The following AUTS2 variants were observed in gnomAD, a reference collection of about 807,000 sequenced individuals.
The protein encoded by AUTS2 is activator of transcription and developmental regulator AUTS2.
In AUTS2, 17 loss-of-function variants were observed where a neutral mutation model predicts 112.4. The ratio of observed to expected loss-of-function variants is 0.15; its 90% CI spans 0.10 to 0.23. The LOEUF (loss-of-function observed/expected upper bound fraction) is 0.23. AUTS2 is among the 10% of genes least tolerant of loss of function. AUTS2 has a pLI of 1.00. For synonymous variants in AUTS2, 751 were observed against 702.7 expected (o/e 1.07, Z -1.09); for missense variants, 1,510 against 1,701.6 (o/e 0.89, Z 1.98).
chr7:70,553,767 T>C (rs997574299), intron 5 of AUTS2, among the ~76,000 whole-genome samples: 56 of 138,624 alleles, frequency 4.0e-4, no homozygotes, highest in South Asian at 3.2e-3. Flanking sequence ...TTTCTTTTTT[T>C]TTTTTTTTTT....
chr7:70,661,371 G>C (rs542709738), intron 5 of AUTS2, among the ~76,000 whole-genome samples: 1 of 152,260 alleles, frequency 6.6e-6, no homozygotes, highest in South Asian at 2.1e-4. Context: ...TGAAAATGAG[G>C]GTTGAGATGC....
At chr7:70,711,580 C>G (rs1434881701) in intron 6 of AUTS2, among the ~76,000 whole-genome samples, 3 of 152,222 alleles carry the variant, frequency 2.0e-5, no homozygotes, top group Admixed American at 1.3e-4. Flanking sequence ...GAGTCCACGG[C>G]AGTAACAGTC....
chr7:70,390,312 A>G (rs1425124606), intron 4 of AUTS2, among the ~76,000 whole-genome samples: 1 of 152,210 alleles, frequency 6.6e-6, no homozygotes, highest in Non-Finnish European at 1.5e-5. Context: ...ATGTGGGTTG[A>G]GGCCCGGGAA....
At chr7:69,708,115 G>A (rs974893951) in intron 1 of AUTS2, among the ~76,000 whole-genome samples, 2 of 152,102 alleles carry the variant, frequency 1.3e-5, no homozygotes, top group African/African-American at 4.8e-5. Context: ...CTTCATGAAA[G>A]CTCAGTTTGT....
chr7:70,176,843 C>A (rs1025840747), intron 4 of AUTS2, among the ~76,000 whole-genome samples: 2 of 152,162 alleles, frequency 1.3e-5, no homozygotes, highest in Non-Finnish European at 2.9e-5. Flanking sequence ...CTGAATCAAG[C>A]AGCAGATAAC....
At position 70,766,436 on chromosome 7, in the gene AUTS2, TG is replaced by T; in HGVS notation, c.1689+106del. 1 of 1,421,314 alleles carries T rather than the reference TG, an allele frequency of 7.0e-7. No homozygotes were observed. 88.0% of individuals were successfully genotyped at this position (1,421,314 alleles called of 1,614,324 possible). On this transcript the variant is annotated intron_variant, in intron 9 of 18. Coordinates refer to ENST00000342771, the MANE Select transcript of AUTS2 (RefSeq NM_015570.4). The surrounding 1 kb of genome is among the most constrained non-coding windows in gnomAD (Gnocchi z 4.8). ...GGCAGCGGGGCCACCAGAGATCGAATGGGGACTGACGGCTGTTGGCTGGAGA... is the reference window on the plus strand; with the variant it reads ...GGCAGCGGGGCCACCAGAGATCGAATGGGACTGACGGCTGTTGGCTGGAGA...
intron 5 of AUTS2, chr7:70,437,049 A>G (rs1795923199): frequency 6.6e-6 from 1 of 152,404 alleles, no homozygotes; most frequent in Non-Finnish European, 1.5e-5. Flanking sequence ...TTTATCTCTG[A>G]AGGACGGCCA....
intron 5 of AUTS2, among the ~76,000 whole-genome samples, chr7:70,678,847 G>A (rs763342325): frequency 1.8e-4 from 28 of 152,182 alleles, no homozygotes; most frequent in Non-Finnish European, 3.7e-4. Flanking sequence ...GGCAACAGAA[G>A]GCAGAAGAGA....
chr7:70,685,472 C>CA (rs34403837), intron 5 of AUTS2, among the ~76,000 whole-genome samples: 5,962 of 65,438 alleles, frequency 0.091, 242 homozygotes, highest in Middle Eastern at 0.11. Context: ...GACTCTGTCT[C>CA]AAAAAAAAAA....
intron 1 of AUTS2, among the ~76,000 whole-genome samples, chr7:69,830,301 A>C (rs891177935): frequency 6.6e-6 from 1 of 152,156 alleles, no homozygotes; most frequent in Non-Finnish European, 1.5e-5. Flanking sequence ...TAAAACCTAG[A>C]TGATGGGTTG....
At chr7:69,713,663 G>A (rs1415917520) in intron 1 of AUTS2, among the ~76,000 whole-genome samples, 2 of 151,964 alleles carry the variant, frequency 1.3e-5, no homozygotes, top group Non-Finnish European at 1.5e-5. Context: ...GTTTCATCAC[G>A]TTGTGTAAGC....
chr7:70,604,071 G>A (rs1803608814), intron 5 of AUTS2, among the ~76,000 whole-genome samples: 1 of 152,188 alleles, frequency 6.6e-6, no homozygotes, highest in Admixed American at 6.5e-5. Context: ...AAGGTGTTTT[G>A]TGGAACTCAC....
At chr7:70,560,543 A>G (rs1256004712) in intron 5 of AUTS2, among the ~76,000 whole-genome samples, 1 of 152,266 alleles carries the variant, frequency 6.6e-6, no homozygotes, top group Admixed American at 6.5e-5. Flanking sequence ...ACTTTCTATC[A>G]AAAGCATTTT....
At chr7:70,213,664 T>C (rs1007147508) in intron 4 of AUTS2, among the ~76,000 whole-genome samples, 1 of 152,204 alleles carries the variant, frequency 6.6e-6, no homozygotes, top group Non-Finnish European at 1.5e-5. Context: ...TATCATACAC[T>C]GGAATGAGCT....
intron 2 of AUTS2, among the ~76,000 whole-genome samples, chr7:70,001,699 C>T (rs558904614): frequency 3.2e-4 from 48 of 151,178 alleles, no homozygotes; most frequent in Middle Eastern, 3.4e-3. Context: ...GAATTATAGC[C>T]TCATTGTCAT....
intron 1 of AUTS2, among the ~76,000 whole-genome samples, chr7:69,776,751 A>G (rs1788915610): frequency 6.6e-6 from 1 of 152,234 alleles, no homozygotes; most frequent in African/African-American, 2.4e-5. Flanking sequence ...ATGTTACTGA[A>G]GGTATTCCAG....
intron 1 of AUTS2, among the ~76,000 whole-genome samples, chr7:69,729,994 ATTTTTT>A (rs10684331): frequency 1.4e-4 from 8 of 56,750 alleles, no homozygotes; most frequent in South Asian, 6.6e-4. Flanking sequence ...TGTTGTTTTA[ATTTTTT>A]TTTTTTTTTT....
chr7:70,139,158 G>A (rs1252177268), intron 4 of AUTS2, among the ~76,000 whole-genome samples: 2 of 151,950 alleles, frequency 1.3e-5, no homozygotes, highest in African/African-American at 4.8e-5. Context: ...GTAGAGATGG[G>A]GCTCTACCGT....
chr7:70,674,279 C>CT (rs917316843), intron 5 of AUTS2, among the ~76,000 whole-genome samples: 1 of 152,166 alleles, frequency 6.6e-6, no homozygotes, highest in Admixed American at 6.5e-5. Context: ...CTTTCTTTCT[C>CT]TTTTTTAAAA....
Sources: allele counts gnomAD v4.1 joint callset (sites outside exome capture counted in the v4.1 genomes callset), GRCh38; gene constraint gnomAD v4.1.1; non-coding constraint Gnocchi (gnomAD v3.1); transcripts MANE v1.5; gene names NCBI Gene and HGNC (gene_info 2026-07-23, HGNC 2026-07-21).